USH2A: variants seen among roughly 807,000 people sequenced by gnomAD.
USH2A encodes Usher syndrome 2A (autosomal recessive, mild).
Under a neutral mutation model 538.9 loss-of-function variants are expected in USH2A, and 443 were observed. That is an observed-to-expected ratio of 0.82 (90% CI 0.76 to 0.89). The LOEUF (loss-of-function observed/expected upper bound fraction) is 0.89, where lower values mean the gene tolerates loss of function less well. USH2A is among the 40% of genes least tolerant of loss of function. The pLI is 0.00. For missense variants in USH2A, 6,633 were observed against 6,324.8 expected, an observed-to-expected ratio of 1.05 and a Z score of -1.65; for synonymous variants, 2,413 against 2,273.5, an observed-to-expected ratio of 1.06 and a Z score of -1.75.
At chr1:216,149,839 C>T (rs945066254) in intron 21 of USH2A, among the ~76,000 whole-genome samples, 19 of 152,032 alleles carry the variant, frequency 1.2e-4, no homozygotes, top group Non-Finnish European at 2.2e-4. Flanking sequence ...TATAGTACCC[C>T]GACTGCCGTC....
intron 44 of USH2A, among the ~76,000 whole-genome samples, chr1:215,855,978 G>A (rs1664155185): frequency 6.6e-6 from 1 of 152,138 alleles, no homozygotes; most frequent in Non-Finnish European, 1.5e-5. Context: ...TAATTTGCAA[G>A]CCACATGTAG....
intron 16 of USH2A, among the ~76,000 whole-genome samples, chr1:216,204,738 C>T (rs767072973): frequency 4.1e-4 from 63 of 152,112 alleles, no homozygotes; most frequent in Admixed American, 7.9e-4. Flanking sequence ...ATGCTAGCCA[C>T]GCACTAGAAA....
intron 58 of USH2A, among the ~76,000 whole-genome samples, chr1:215,744,159 T>C (rs1660398715): frequency 6.6e-6 from 1 of 152,174 alleles, no homozygotes; most frequent in South Asian, 2.1e-4. Flanking sequence ...CTGACATGGA[T>C]CCTTGACATA....
intron 30 of USH2A, among the ~76,000 whole-genome samples, chr1:216,060,335 C>T (rs942466667): frequency 6.6e-6 from 1 of 152,130 alleles, no homozygotes; most frequent in South Asian, 2.1e-4. Context: ...CTAATTATTA[C>T]AGTAGCCATG....
intron 30 of USH2A, among the ~76,000 whole-genome samples, chr1:216,069,853 TG>T (rs948764189): frequency 5.9e-5 from 9 of 152,264 alleles, no homozygotes; most frequent in African/African-American, 2.2e-4. Flanking sequence ...ATGTAATCTT[TG>T]GGGGATGGAG....
In USH2A at chr1:215,705,375, G is replaced by T. The variant is rs908922423; in HGVS notation, c.12066+22655C>A. On this transcript the variant is annotated intron_variant, in intron 61 of 71. Coordinates refer to ENST00000307340, the MANE Select transcript of USH2A (RefSeq NM_206933.4). ...ATGATTTTTTGAAGCCATTTTAAGT[G>T]GCAATTAAACTCAATGTGTGTGTCG... Among the ~76,000 whole-genome samples the T allele has an allele frequency of 9.2e-5, 14 of 152,088 alleles. No homozygotes were observed. The East Asian group carries it at 2.7e-3, about 29-fold the overall frequency.
At chr1:216,300,838 A>G (rs919070672) in intron 9 of USH2A, among the ~76,000 whole-genome samples, 1 of 146,020 alleles carries the variant, frequency 6.8e-6, no homozygotes, top group Admixed American at 7.0e-5. Context: ...AACCTCCACC[A>G]CCCACGTTCA....
intron 12 of USH2A, among the ~76,000 whole-genome samples, chr1:216,249,752 A>G (rs2102549939): frequency 6.6e-6 from 1 of 152,278 alleles, no homozygotes; most frequent in Non-Finnish European, 1.5e-5. Context: ...ATTGTGTAGC[A>G]TGATGTACAC....
At position 216,086,628 on chromosome 1, in the gene USH2A, G is replaced by T. The variant is rs2102563021; in HGVS notation, c.4987+91C>A. On this transcript the variant is annotated intron_variant, in intron 24 of 71. Transcript: ENST00000307340. The stretch of plus-strand genomic sequence containing the variant: ...AATATAGAAAATATAGCATGAGGTA[G>T]AACATAATACTTATTCTTACTTTAA... The T allele has an allele frequency of 9.0e-6, 10 of 1,109,708 alleles. No individual in the cohort carries two copies. The South Asian group carries it at 9.4e-5, about 10-fold the overall frequency. 68.7% of individuals were successfully genotyped at this position (1,109,708 alleles called of 1,614,324 possible).
intron 32 of USH2A, among the ~76,000 whole-genome samples, chr1:216,015,234 C>T (rs1416833835): frequency 6.6e-6 from 1 of 152,146 alleles, no homozygotes; most frequent in Non-Finnish European, 1.5e-5. Context: ...TCAGTGAGAA[C>T]ACATCTTCGG....
intron 38 of USH2A, among the ~76,000 whole-genome samples, chr1:215,913,405 T>C (rs1665864322): frequency 6.6e-6 from 1 of 152,122 alleles, no homozygotes; most frequent in Non-Finnish European, 1.5e-5. Context: ...AAGGAAGTGG[T>C]ATTTAAGTTT....
rs751834075 is a variant in USH2A, at chr1:215,743,334, C to T, written c.11391G>A (p.Gly3797=). 37 of 1,589,716 alleles carry T rather than the reference C, an allele frequency of 2.3e-5. No individual in the cohort carries two copies. The Middle Eastern group carries it at 6.7e-4, about 29-fold the overall frequency. The change falls in exon 59 of 72, where the codon GGG becomes GGA. Residue 3797 remains glycine, a splice_region_variant and synonymous_variant. Transcript: ENST00000307340. The part of the protein sequence containing the change: ...YSIFVAWIPP[G]ILIPEIPVEY... ...CCACAGGAATTTCGGGGATGAGGATCCCTTTAAAGAGAGAGAGAGAGAGAG... is the reference window on the plus strand; with the variant it reads ...CCACAGGAATTTCGGGGATGAGGATTCCTTTAAAGAGAGAGAGAGAGAGAG...
At chr1:215,936,884 G>A (rs1397999842) in intron 37 of USH2A, among the ~76,000 whole-genome samples, 2 of 152,042 alleles carry the variant, frequency 1.3e-5, no homozygotes, top group African/African-American at 4.8e-5. Context: ...ATGCAAAAGA[G>A]GGTCTGATAT....
intron 64 of USH2A, among the ~76,000 whole-genome samples, chr1:215,667,961 C>A (rs561966895): frequency 2.6e-4 from 39 of 152,328 alleles, no homozygotes; most frequent in African/African-American, 9.1e-4. Flanking sequence ...CTGATACTTG[C>A]AAGGCACACC....
At chr1:216,022,136 C>A (rs1668858242) in intron 32 of USH2A, among the ~76,000 whole-genome samples, 1 of 152,120 alleles carries the variant, frequency 6.6e-6, no homozygotes, top group Non-Finnish European at 1.5e-5. Flanking sequence ...CAGATGCTGC[C>A]ATGCTTCCTG....
At chr1:215,993,259 A>T in intron 34 of USH2A, 92 bp from the exon 35 acceptor site, 1 of 1,585,192 alleles carries the variant, frequency 6.3e-7, no homozygotes, top group Non-Finnish European at 8.6e-7. Context: ...AGAGTTTCAG[A>T]TTTTGTTATA....
At chr1:216,000,651 A>G (rs1668248022) in intron 32 of USH2A, 89 bp from the exon 33 acceptor site, 1 of 1,506,550 alleles carries the variant, frequency 6.6e-7, no homozygotes, top group Admixed American at 1.7e-5. Flanking sequence ...TATCTCAGAG[A>G]ATTGTTAAGA....
intron 61 of USH2A, among the ~76,000 whole-genome samples, chr1:215,688,048 A>C (rs1250405453): frequency 1.3e-5 from 2 of 152,006 alleles, no homozygotes; most frequent in Non-Finnish European, 2.9e-5. Context: ...TGGTGCACTA[A>C]TTAGTGTTTG....
intron 64 of USH2A, among the ~76,000 whole-genome samples, chr1:215,661,567 G>C (rs1657438160): frequency 6.6e-6 from 1 of 152,104 alleles, no homozygotes; most frequent in Non-Finnish European, 1.5e-5. Flanking sequence ...TGTGCCATAT[G>C]TTTCCTGCTG....
Sources: gnomAD v4.1 joint callset for allele counts (sites outside exome capture counted in the v4.1 genomes callset) on GRCh38, gnomAD v4.1.1 for gene constraint, MANE v1.5 for transcripts, NCBI Gene and HGNC (gene_info 2026-07-23, HGNC 2026-07-21) for gene names.